SGCD: variants seen among roughly 807,000 people sequenced by gnomAD.
The protein encoded by SGCD is sarcoglycan delta.
SGCD carries 18 observed loss-of-function variants against 36.6 expected under a neutral mutation model. The observed-to-expected ratio is 0.49, with a 90% CI of 0.34 to 0.73. The LOEUF (loss-of-function observed/expected upper bound fraction) is 0.73, where lower values mean the gene tolerates loss of function less well. Ranked by LOEUF, SGCD falls within the 30% of genes least tolerant of loss-of-function variation. SGCD has a pLI of 0.01. For synonymous variants in SGCD, 133 were observed against 130.6 expected (o/e 1.02, Z -0.12); for missense variants, 387 against 346.7 (o/e 1.12, Z -0.92).
intron 3 of SGCD, among the ~76,000 whole-genome samples, chr5:156,186,229 A>C (rs1201711472): frequency 6.6e-6 from 1 of 152,148 alleles, no homozygotes; most frequent in African/African-American, 2.4e-5. Context: ...TGAAGGTAAC[A>C]TATTAATATA....
rs17053598 is a variant in SGCD at position 156,530,091 on chromosome 5, G to A, written c.294+21389G>A. 0.012 allele frequency among the ~76,000 whole-genome samples: 1,884 copies of A among 152,302 alleles called. 93 individuals carry two copies. In the East Asian group the frequency reaches 0.17, roughly 14 times the overall value. ...TGCCATGTTTTCTTCCTTGCTTGGT[G>A]CAATAAATAAGGTGGATTTCTCAAC... On this transcript the variant is annotated intron_variant, in intron 4 of 8. Coordinates refer to ENST00000337851, the MANE Select transcript of SGCD (RefSeq NM_000337.6).
At chr5:156,116,692 A>G (rs938931165) in intron 1 of SGCD, among the ~76,000 whole-genome samples, 2 of 152,148 alleles carry the variant, frequency 1.3e-5, no homozygotes, top group Non-Finnish European at 2.9e-5. Flanking sequence ...TCCATGCTCT[A>G]TAATGTTACA....
At chr5:156,608,240 T>A (rs1761583808) in intron 6 of SGCD, among the ~76,000 whole-genome samples, 1 of 152,232 alleles carries the variant, frequency 6.6e-6, no homozygotes, top group African/African-American at 2.4e-5. Context: ...TCTGGTATGT[T>A]GTGTCTTTGT....
intron 7 of SGCD, among the ~76,000 whole-genome samples, chr5:156,753,641 C>A (rs977780743): frequency 6.6e-6 from 1 of 152,150 alleles, no homozygotes; most frequent in Non-Finnish European, 1.5e-5. Context: ...AGGAAACTTA[C>A]AATCATGGTG....
At chr5:156,070,356 G>T (rs1390436254) in intron 1 of SGCD, among the ~76,000 whole-genome samples, 1 of 151,604 alleles carries the variant, frequency 6.6e-6, no homozygotes, top group African/African-American at 2.4e-5. Context: ...GTTGAATTTT[G>T]TCAAAGGCCT....
intron 3 of SGCD, among the ~76,000 whole-genome samples, chr5:156,219,028 G>C (rs1413574622): frequency 6.6e-6 from 1 of 152,144 alleles, no homozygotes; most frequent in Non-Finnish European, 1.5e-5. Flanking sequence ...CAAAGGAGAA[G>C]AGATGTTCAT....
At chr5:156,309,640 G>A (rs1229748053) in intron 3 of SGCD, among the ~76,000 whole-genome samples, 25 of 137,474 alleles carry the variant, frequency 1.8e-4, no homozygotes, top group Non-Finnish European at 3.0e-4. Flanking sequence ...TCGCACTGTC[G>A]CCTGGGCTGG....
chr5:156,387,401 AG>A (rs34248526), intron 3 of SGCD, among the ~76,000 whole-genome samples: 1 of 152,122 alleles, frequency 6.6e-6, no homozygotes, highest in Non-Finnish European at 1.5e-5. Flanking sequence ...AATAATTGGG[AG>A]GGGGGTGCCT....
At chr5:156,379,593 G>T (rs910878143) in intron 3 of SGCD, among the ~76,000 whole-genome samples, 1 of 152,154 alleles carries the variant, frequency 6.6e-6, no homozygotes, top group Non-Finnish European at 1.5e-5. Context: ...TTCCTAATCA[G>T]AAAAGCAGTG....
chr5:156,620,204 A>C (rs1269299839), intron 6 of SGCD, among the ~76,000 whole-genome samples: 1 of 152,216 alleles, frequency 6.6e-6, no homozygotes, highest in Non-Finnish European at 1.5e-5. Context: ...TAATAAGAGC[A>C]CTACATAATT....
chr5:155,964,008 G>T (rs892113202), intron 1 of SGCD, among the ~76,000 whole-genome samples: 1 of 152,030 alleles, frequency 6.6e-6, no homozygotes, highest in African/African-American at 2.4e-5. Context: ...TTGTGAAGAT[G>T]CATGCAAAAG....
intron 3 of SGCD, among the ~76,000 whole-genome samples, chr5:156,439,276 G>C (rs1753381408): frequency 6.6e-6 from 1 of 152,112 alleles, no homozygotes; most frequent in Non-Finnish European, 1.5e-5. Flanking sequence ...AATGCAGCCA[G>C]TAAGTGAAAG....
intron 3 of SGCD, among the ~76,000 whole-genome samples, chr5:156,137,719 T>C (rs949088277): frequency 1.3e-5 from 2 of 152,168 alleles, no homozygotes; most frequent in Admixed American, 6.5e-5. Context: ...ATTTTGACTA[T>C]ATATGAATTT....
At chr5:155,879,065 C>T (rs1755822082) in intron 1 of SGCD, among the ~76,000 whole-genome samples, 1 of 151,734 alleles carries the variant, frequency 6.6e-6, no homozygotes, top group African/African-American at 2.4e-5. Context: ...GATCAGGCAC[C>T]ACATCTGCAC....
chr5:156,544,047 G>A (rs1033601476), intron 4 of SGCD, among the ~76,000 whole-genome samples: 2 of 152,278 alleles, frequency 1.3e-5, no homozygotes, highest in African/African-American at 4.8e-5. Flanking sequence ...TCTGAAAAGC[G>A]AGATATGTTT....
In SGCD at chr5:156,374,160, A is replaced by C. The variant is rs533634207; in HGVS notation, c.192+29483A>C. ...AAATGTTCAAAATACAAAAAAAAAAAAAATGCATGGCAATATCCTTAGTGT... is the reference window on the plus strand; with the variant it reads ...AAATGTTCAAAATACAAAAAAAAAACAAATGCATGGCAATATCCTTAGTGT... On this transcript the variant is annotated intron_variant, in intron 3 of 8. Transcript: ENST00000337851. Among the ~76,000 whole-genome samples the C allele has an allele frequency of 4.2e-4, 64 of 152,292 alleles. No homozygotes were observed. In the East Asian group the frequency reaches 0.011, roughly 27 times the overall value.
chr5:155,962,893 C>G (rs1481191338), intron 1 of SGCD, among the ~76,000 whole-genome samples: 1 of 152,144 alleles, frequency 6.6e-6, no homozygotes, highest in East Asian at 1.9e-4. Context: ...CCTTAGCAAT[C>G]TATGCCCTCA....
intron 1 of SGCD, among the ~76,000 whole-genome samples, chr5:155,992,884 C>T (rs559739696): frequency 1.5e-3 from 228 of 152,322 alleles, no homozygotes; most frequent in Middle Eastern, 3.4e-3. Context: ...GCTAAAGGGA[C>T]TGCTCCTTCT....
At chr5:156,363,035 AC>A (rs1769892261) in intron 3 of SGCD, among the ~76,000 whole-genome samples, 1 of 150,552 alleles carries the variant, frequency 6.6e-6, no homozygotes, top group African/African-American at 2.4e-5. Context: ...CTATGATTTT[AC>A]CTTTTTTTTT....
Sources: allele counts gnomAD v4.1 joint callset (sites outside exome capture counted in the v4.1 genomes callset), GRCh38; gene constraint gnomAD v4.1.1; transcripts MANE v1.5; gene names NCBI Gene and HGNC (gene_info 2026-07-23, HGNC 2026-07-21).